ANKHD1: variants seen among roughly 807,000 people sequenced by gnomAD.
ANKHD1 encodes the protein ankyrin repeat and KH domain containing 1.
A neutral mutation model predicts 230.5 loss-of-function variants in ANKHD1; 31 were observed. The ratio of observed to expected loss-of-function variants is 0.13; its 90% CI spans 0.10 to 0.18. The LOEUF (loss-of-function observed/expected upper bound fraction) is 0.18. Ranked by LOEUF, ANKHD1 falls within the 10% of genes least tolerant of loss-of-function variation. The pLI is 1.00. For missense variants in ANKHD1, 2,256 were observed against 3,071.3 expected (o/e 0.73, Z 6.27); for synonymous variants, 1,074 against 1,117.6 (o/e 0.96, Z 0.78).
At chr5:140,496,224 C>T (rs556712536) in intron 14 of ANKHD1, among the ~76,000 whole-genome samples, 12 of 151,942 alleles carry the variant, frequency 7.9e-5, no homozygotes, top group African/African-American at 1.7e-4. Flanking sequence ...TCCTTTTCCC[C>T]GCCCCTGACT....
intron 1 of ANKHD1, among the ~76,000 whole-genome samples, chr5:140,433,109 C>T (rs1331599938): frequency 2.0e-5 from 3 of 151,994 alleles, no homozygotes; most frequent in African/African-American, 7.2e-5. Context: ...TGCCGTGTTC[C>T]CCAGGCTGGA....
chr5:140,508,543 C>T (rs1752631119), intron 20 of ANKHD1, among the ~76,000 whole-genome samples: 1 of 151,946 alleles, frequency 6.6e-6, no homozygotes, highest in African/African-American at 2.4e-5. Context: ...CACATGAGGT[C>T]AGGAGTTTGA....
In ANKHD1 at chr5:140,528,481, T is replaced by G; in HGVS notation, c.5535T>G (p.Val1845=). ...CAAATGTACGTTCTTCTTTCCCAGTTTCTCTACCCTTAGCTTATCCTCACC... is the reference window on the plus strand; with the variant it reads ...CAAATGTACGTTCTTCTTTCCCAGTGTCTCTACCCTTAGCTTATCCTCACC... ...VPTNVRSSFP[V]SLPLAYPHPH... The change falls in exon 29 of 34, where the codon GTT becomes GTG. Residue 1845 remains valine (V), a synonymous_variant. Transcript: ENST00000360839. 1 of 1,614,170 alleles carries G rather than the reference T, an allele frequency of 6.2e-7. No individual in the cohort carries two copies. The highest frequency in any genetic ancestry group is 8.5e-7 in the Non-Finnish European group (1 of 1,180,040).
At chr5:140,449,622 A>G (rs1187127752) in intron 7 of ANKHD1, among the ~76,000 whole-genome samples, 1 of 151,898 alleles carries the variant, frequency 6.6e-6, no homozygotes, top group Non-Finnish European at 1.5e-5. Context: ...AGATTGCGCA[A>G]CTGCACTCCA....
chr5:140,475,942 A>G (rs1351090775), intron 10 of ANKHD1, among the ~76,000 whole-genome samples: 2 of 152,250 alleles, frequency 1.3e-5, no homozygotes, highest in Non-Finnish European at 1.5e-5. Context: ...ACTCAAGGAA[A>G]TTGAAATAAA....
At chr5:140,472,160 C>A in intron 10 of ANKHD1, 1 of 1,165,788 alleles carries the variant, frequency 8.6e-7, no homozygotes, top group Non-Finnish European at 1.3e-6. Flanking sequence ...TCTGAAGTAT[C>A]GGTCACAAGG....
At chr5:140,428,937 G>T (rs754657196) in intron 1 of ANKHD1, among the ~76,000 whole-genome samples, 1 of 150,626 alleles carries the variant, frequency 6.6e-6, no homozygotes, top group Non-Finnish European at 1.5e-5. Context: ...CATGCACCAT[G>T]AGGTCTGGCA....
At chr5:140,484,961 T>C in intron 11 of ANKHD1, 160 bp from the exon 12 acceptor site, 1 of 1,168,812 alleles carries the variant, frequency 8.6e-7, no homozygotes, top group East Asian at 3.2e-5. Context: ...GTTACACAGG[T>C]GTGTGTTCAT....
intron 29 of ANKHD1, among the ~76,000 whole-genome samples, chr5:140,530,329 A>C (rs1271890006): frequency 6.6e-6 from 1 of 152,010 alleles, no homozygotes; most frequent in Non-Finnish European, 1.5e-5. Flanking sequence ...CTCGTTCCTC[A>C]TCTTCTCAAG....
chr5:140,418,144 C>CTT (rs147753786), intron 1 of ANKHD1, among the ~76,000 whole-genome samples: 26 of 126,436 alleles, frequency 2.1e-4, no homozygotes, highest in Admixed American at 4.8e-4. Flanking sequence ...GTCCAGCCTT[C>CTT]TTTTTTTTTT....
At position 140,402,371 on chromosome 5, in the gene ANKHD1, G is replaced by T. The variant is rs879630722; in HGVS notation, c.306+98G>T. 5 of 1,368,210 alleles carry T rather than the reference G, an allele frequency of 3.7e-6. No homozygotes were observed. The South Asian group carries it at 8.3e-5, about 23-fold the overall frequency. 84.8% of individuals were successfully genotyped at this position (1,368,210 alleles called of 1,614,324 possible). A position where few individuals can be genotyped will look rare whatever the true frequency, so the allele number is the denominator to read the frequency against. On this transcript the variant is annotated intron_variant, in intron 1 of 33. Coordinates refer to ENST00000360839, the MANE Select transcript of ANKHD1 (RefSeq NM_017747.3). ...GCCATCCTCCCGCTTCCCTGGTGGA[G>T]CCCTTCTGTGACAGCGGTCGGCTCC...
In ANKHD1 at chr5:140,527,293, C is replaced by T. The variant is rs1411281729; in HGVS notation, c.5087+219C>T. On this transcript the variant is annotated intron_variant, in intron 27 of 33. Coordinates refer to ENST00000360839, the MANE Select transcript of ANKHD1 (RefSeq NM_017747.3). This position sits in a 1 kb window ranked among gnomAD's most constrained non-coding sequence, Gnocchi z 4.5. ...AAGAAATTTTGGCTTTTTTGGATAA[C>T]CTCAGTTGCTTTTTATGTAGTTCAA... 17 of 554,964 alleles carry T rather than the reference C, an allele frequency of 3.1e-5. No individual in the cohort carries two copies. In the East Asian group the frequency reaches 6.8e-4, roughly 22 times the overall value. 34.4% of individuals were successfully genotyped at this position (554,964 alleles called of 1,614,324 possible).
chr5:140,468,651 C>G (rs1398555593), intron 10 of ANKHD1, among the ~76,000 whole-genome samples: 1 of 152,094 alleles, frequency 6.6e-6, no homozygotes, highest in African/African-American at 2.4e-5. Context: ...GTGTATCTCT[C>G]TAGACATTTC....
chr5:140,454,546 G>A (rs1476903087), intron 7 of ANKHD1, among the ~76,000 whole-genome samples: 1 of 152,122 alleles, frequency 6.6e-6, no homozygotes, highest in Non-Finnish European at 1.5e-5. Flanking sequence ...CTAGAATTCA[G>A]GATTAAGAAA....
chr5:140,411,918 G>A (rs1770962228), intron 1 of ANKHD1, among the ~76,000 whole-genome samples: 1 of 151,408 alleles, frequency 6.6e-6, no homozygotes, highest in Admixed American at 6.6e-5. Context: ...ACGATCGTAT[G>A]GCGCAATCAC....
chr5:140,517,975 A>T (rs1288687184), intron 24 of ANKHD1, among the ~76,000 whole-genome samples: 4 of 152,146 alleles, frequency 2.6e-5, no homozygotes, highest in Admixed American at 6.5e-5. Flanking sequence ...ACACAAAAAA[A>T]CCCTTCAAAA....
intron 1 of ANKHD1, among the ~76,000 whole-genome samples, chr5:140,413,464 A>T (rs942721454): frequency 5.3e-5 from 8 of 152,088 alleles, no homozygotes; most frequent in Admixed American, 4.6e-4. Flanking sequence ...TCATCTTCCA[A>T]ACTGAAATTC....
intron 1 of ANKHD1, among the ~76,000 whole-genome samples, chr5:140,404,192 G>A (rs1240328211): frequency 2.0e-5 from 3 of 152,114 alleles, no homozygotes; most frequent in Non-Finnish European, 2.9e-5. Flanking sequence ...TCAGTGAAAC[G>A]TGAGAGATTA....
At chr5:140,426,670 G>A (rs535562677) in intron 1 of ANKHD1, among the ~76,000 whole-genome samples, 2 of 152,138 alleles carry the variant, frequency 1.3e-5, no homozygotes, top group East Asian at 1.9e-4. Context: ...GCGGCCTTCC[G>A]CAGTGTTTGT....
Sources: allele counts gnomAD v4.1 joint callset (sites outside exome capture counted in the v4.1 genomes callset), GRCh38; gene constraint gnomAD v4.1.1; non-coding constraint Gnocchi (gnomAD v3.1); transcripts MANE v1.5; gene names NCBI Gene and HGNC (gene_info 2026-07-23, HGNC 2026-07-21).